MADD: variants seen among roughly 807,000 people sequenced by gnomAD.
The protein encoded by MADD is MAP kinase activating death domain.
MADD carries 109 observed loss-of-function variants against 176.7 expected under a neutral mutation model. That is an observed-to-expected ratio of 0.62 (90% confidence interval 0.53 to 0.72). The LOEUF is 0.72. Among genes scored for constraint, MADD ranks in the 30% least tolerant of loss-of-function variants. MADD has a pLI of 0.00. For missense variants in MADD, 1,914 were observed against 2,045.5 expected, an observed-to-expected ratio of 0.94 and a Z score of 1.24; for synonymous variants, 771 against 771.3, an observed-to-expected ratio of 1.00 and a Z score of 0.01.
chr11:47,308,427 A>G (rs1240803726), intron 22 of MADD, among the ~76,000 whole-genome samples, 164 bp from the exon 25 acceptor site: 1 of 152,258 alleles, frequency 6.6e-6, no homozygotes, highest in Non-Finnish European at 1.5e-5. Context: ...TTTAGGAGGC[A>G]GTAACAGAAA....
At chr11:47,300,303 T>C (rs951580880) in intron 22 of MADD, among the ~76,000 whole-genome samples, 1 of 149,560 alleles carries the variant, frequency 6.7e-6, no homozygotes, top group African/African-American at 2.5e-5. Context: ...GCCTCCCGGG[T>C]TCAAGCAGTT....
chr11:47,283,722 C>G (rs1169267194), intron 10 of MADD, among the ~76,000 whole-genome samples: 1 of 152,216 alleles, frequency 6.6e-6, no homozygotes, highest in Non-Finnish European at 1.5e-5. Flanking sequence ...CAGGCACATG[C>G]CATCACGCCC....
exon 28 of MADD, chr11:47,323,702 A>G: frequency 6.2e-7 from 1 of 1,613,990 alleles, no homozygotes; most frequent in Non-Finnish European, 8.5e-7. Context: ...TTGCGTAGTA[A>G]CATCGGAACA....
At chr11:47,324,094 C>T (rs1595498391) in intron 28 of MADD, 171 bp from the exon 32 acceptor site, 14 of 664,098 alleles carry the variant, frequency 2.1e-5, no homozygotes, top group South Asian at 8.9e-5. Flanking sequence ...TCATATGCTC[C>T]GGATCTATCA....
intron 7 of MADD, 54 bp downstream of exon 7, chr11:47,279,133 A>G (rs1426941693): frequency 4.6e-6 from 7 of 1,525,186 alleles, no homozygotes; most frequent in African/African-American, 2.7e-5. Context: ...TGGGATTCCT[A>G]TAAGAAGACA....
chr11:47,326,024 G>A (rs541249763), intron 30 of MADD, among the ~76,000 whole-genome samples: 1 of 152,330 alleles, frequency 6.6e-6, no homozygotes, highest in Admixed American at 6.5e-5. Context: ...TGCAGTCTGG[G>A]GTAAATGGGA....
intron 21 of MADD, 119 bp from the exon 24 acceptor site, chr11:47,295,778 G>T: frequency 6.6e-7 from 1 of 1,523,554 alleles, no homozygotes; most frequent in Non-Finnish European, 8.8e-7. Flanking sequence ...ACTTCCAGAG[G>T]CTATCTGACA....
intron 22 of MADD, among the ~76,000 whole-genome samples, chr11:47,303,853 C>G (rs377004402): frequency 6.6e-6 from 1 of 151,954 alleles, no homozygotes. Flanking sequence ...AATGATCTGC[C>G]CGCCTTGGCC....
At chr11:47,309,260 A>G in intron 23 of MADD, 21 bp from the exon 27 acceptor site, 2 of 1,605,674 alleles carry the variant, frequency 1.2e-6, no homozygotes, top group Non-Finnish European at 1.7e-6. Flanking sequence ...AGGCCCCCTA[A>G]GAAACCTTTA....
chr11:47,307,805 A>T (rs576380997), intron 22 of MADD, among the ~76,000 whole-genome samples: 1 of 152,220 alleles, frequency 6.6e-6, no homozygotes, highest in Admixed American at 6.5e-5. Context: ...AGTAGCTGGG[A>T]CTATAGGTGC....
chr11:47,276,494 A>T (rs2049993259), intron 4 of MADD, among the ~76,000 whole-genome samples: 1 of 152,166 alleles, frequency 6.6e-6, no homozygotes, highest in African/African-American at 2.4e-5. Flanking sequence ...TGGTCCTGGG[A>T]TGGGCAGTAC....
rs2085858813 is a variant in MADD at position 47,309,220 on chromosome 11, G to T, written c.3752-61G>T. On this transcript the variant is annotated intron_variant, in intron 23 of 32. Transcript: ENST00000402192. ...TATCTGGATTTTACTCTTTATTTTTGTTTGGCAGCTATATTCTTAAATGTT... is the reference window on the plus strand; with the variant it reads ...TATCTGGATTTTACTCTTTATTTTTTTTTGGCAGCTATATTCTTAAATGTT... 4 of 1,579,902 alleles carry T rather than the reference G, an allele frequency of 2.5e-6. No individual in the cohort carries two copies. In the African/African-American group the frequency reaches 5.5e-5, roughly 22 times the overall value.
chr11:47,313,481 GTT>G (rs112445074), intron 26 of MADD, among the ~76,000 whole-genome samples: 44 of 139,946 alleles, frequency 3.1e-4, no homozygotes, highest in African/African-American at 6.0e-4. Flanking sequence ...CACCTGGCTA[GTT>G]TTTTTTTTTT....
chr11:47,293,909 G>T, exon 20 of MADD: 1 of 1,614,040 alleles, frequency 6.2e-7, no homozygotes, highest in South Asian at 1.1e-5. Context: ...ACCTGTCTTT[G>T]ACCTTGGTGA....
intron 22 of MADD, 114 bp from the exon 25 acceptor site, chr11:47,308,477 T>G: frequency 9.0e-6 from 6 of 665,850 alleles, no homozygotes; most frequent in Non-Finnish European, 7.9e-6. Flanking sequence ...GTACTGGAGT[T>G]TATGTTGCTA....
At chr11:47,274,374 T>G (rs768750341) in intron 2 of MADD, among the ~76,000 whole-genome samples, 189 bp from the exon 3 acceptor site, 4 of 152,230 alleles carry the variant, frequency 2.6e-5, no homozygotes, top group Non-Finnish European at 5.9e-5. Flanking sequence ...AATAGATGCC[T>G]TCATGACAGT....
intron 22 of MADD, among the ~76,000 whole-genome samples, chr11:47,307,904 G>A (rs2084356155): frequency 6.6e-6 from 1 of 152,204 alleles, no homozygotes; most frequent in African/African-American, 2.4e-5. Flanking sequence ...TCCTGACGTG[G>A]TGATCCCAAC....
chr11:47,291,909 C>T (rs544501976), intron 19 of MADD, among the ~76,000 whole-genome samples: 27 of 152,298 alleles, frequency 1.8e-4, no homozygotes, highest in Admixed American at 3.3e-4. Flanking sequence ...TGGTCTTGAC[C>T]ATTTTATGTT....
At position 47,309,171 on chromosome 11, in the gene MADD, C is replaced by T. The variant is rs1449031208; in HGVS notation, c.3752-110C>T. On this transcript the variant is annotated intron_variant, in intron 23 of 32. Transcript: ENST00000402192. ...GTAGAAAGATTGTGTTTCCTTTGCC[C>T]TGGAATTTGTAATTATTCCCTTTTA... is the stretch of plus-strand genomic sequence containing the variant. The T allele has an allele frequency of 3.9e-6, 6 of 1,553,698 alleles. No individual in the cohort carries two copies. The Admixed American group carries it at 7.4e-5, about 19-fold the overall frequency.
Sources: gnomAD v4.1 joint callset for allele counts (sites outside exome capture counted in the v4.1 genomes callset) on GRCh38, gnomAD v4.1.1 for gene constraint, MANE v1.5 for transcripts, NCBI Gene and HGNC (gene_info 2026-07-23, HGNC 2026-07-21) for gene names.